The following ST3GAL1 variants were observed in gnomAD, a reference collection of about 807,000 sequenced individuals.
ST3GAL1 encodes ST3 beta-galactoside alpha-2,3-sialyltransferase 1, also known as CMP-N-acetylneuraminate-beta-galactosamide-alpha-2,3-sialyltransferase 1.
In ST3GAL1, 16 loss-of-function variants were observed where a neutral mutation model predicts 34.1. The ratio of observed to expected loss-of-function variants is 0.47; its 90% CI spans 0.32 to 0.71. The LOEUF (loss-of-function observed/expected upper bound fraction) is 0.71, where lower values mean the gene tolerates loss of function less well. Among genes scored for constraint, ST3GAL1 ranks in the 30% least tolerant of loss-of-function variants. The probability of loss-of-function intolerance (pLI) is 0.04; values close to 1 mark genes in which losing one functional copy is unlikely to be tolerated. For synonymous variants in ST3GAL1, 191 were observed against 184.7 expected, an observed-to-expected ratio of 1.03 and a Z score of -0.28; for missense variants, 353 against 447.4, an observed-to-expected ratio of 0.79 and a Z score of 1.90.
Position 133,548,533 on chromosome 8 carries a change from C to T in ST3GAL1, c.-581-2607G>A, listed in dbSNP as rs533851154. Among the ~76,000 whole-genome samples the T allele has an allele frequency of 9.6e-4, 146 of 152,354 alleles. 7 individuals are homozygous for T. The South Asian group carries it at 0.028, about 30-fold the overall frequency. ...ACCACTGTGCCCTCACCACCCAGCACACCACTTGGCATGTGGGAGAAGGCC... is the reference window on the plus strand; with the variant it reads ...ACCACTGTGCCCTCACCACCCAGCATACCACTTGGCATGTGGGAGAAGGCC... On this transcript the variant is annotated intron_variant, in intron 1 of 9. Transcript: ENST00000522652.
chr8:133,507,386 A>C (rs775150812), intron 2 of ST3GAL1, among the ~76,000 whole-genome samples: 2 of 152,270 alleles, frequency 1.3e-5, no homozygotes, highest in African/African-American at 2.4e-5. Context: ...ACCCACGCCC[A>C]TGGCGATGGT....
chr8:133,499,401 A>G (rs924591925), intron 2 of ST3GAL1: 1 of 152,168 alleles, frequency 6.6e-6, no homozygotes, highest in African/African-American at 2.4e-5. Context: ...CTACGTGCAG[A>G]AGCTTCCTGT....
chr8:133,521,244 C>T (rs932665841), intron 2 of ST3GAL1, among the ~76,000 whole-genome samples: 11 of 149,392 alleles, frequency 7.4e-5, no homozygotes, highest in Admixed American at 5.3e-4. Context: ...AGCAATTTTC[C>T]TGCCTCAGCC....
rs984769380 is a variant in ST3GAL1 at position 133,458,970 on chromosome 8, C to T, written c.*794G>A. ...GTGTGATCACAGCCCACTGCAGCCTCGAACTCCTAGGCACAAGAGATCCTC... is the reference window on the plus strand; with the variant it reads ...GTGTGATCACAGCCCACTGCAGCCTTGAACTCCTAGGCACAAGAGATCCTC... On this transcript the variant is annotated 3_prime_UTR_variant, in exon 10 of 10. Coordinates refer to ENST00000522652, the MANE Select transcript of ST3GAL1 (RefSeq NM_173344.3). 1.3e-5 allele frequency: 2 copies of T among 151,132 alleles called. No homozygotes were observed. The highest frequency in any genetic ancestry group is 2.4e-5 in the African/African-American group (1 of 41,014). 9.4% of individuals were successfully genotyped at this position (151,132 alleles called of 1,614,324 possible). A position where few individuals can be genotyped will look rare whatever the true frequency, so the allele number is the denominator to read the frequency against.
chr8:133,540,536 C>T (rs538085337), intron 2 of ST3GAL1, among the ~76,000 whole-genome samples: 4 of 152,086 alleles, frequency 2.6e-5, no homozygotes, highest in African/African-American at 9.6e-5. Context: ...CCCTGTGTAT[C>T]CTTTGATCAA....
chr8:133,479,263 A>G (rs935304613), intron 3 of ST3GAL1, among the ~76,000 whole-genome samples: 3 of 151,904 alleles, frequency 2.0e-5, no homozygotes, highest in Non-Finnish European at 1.5e-5. Context: ...AGGCATCAAT[A>G]GGGCCCCAGA....
At chr8:133,488,071 A>G (rs767070216) in intron 3 of ST3GAL1, 3 of 152,134 alleles carry the variant, frequency 2.0e-5, no homozygotes, top group Admixed American at 6.5e-5. Flanking sequence ...GAATCACACA[A>G]AAGACCAGCT....
At chr8:133,484,618 C>A (rs72718294) in intron 3 of ST3GAL1, among the ~76,000 whole-genome samples, 3 of 152,298 alleles carry the variant, frequency 2.0e-5, no homozygotes, top group African/African-American at 4.8e-5. Context: ...ACTCTCCCAG[C>A]GCAGTCCCTT....
chr8:133,469,623 G>A lies in ST3GAL1; in HGVS notation c.307-3533C>T, dbSNP rs1239807959. Among the ~76,000 whole-genome samples the A allele has an allele frequency of 6.6e-6, 1 of 152,222 alleles. No individual in the cohort carries two copies. Among genetic ancestry groups the A allele is most frequent in the Non-Finnish European group, 1.5e-5 (1 of 68,044 alleles). ...TAAAATGGTAGTTGTACAATGCAAT[G>A]AAAACAAAACTACTGTATTCGGTTG... On this transcript the variant is annotated intron_variant, in intron 5 of 9. Transcript: ENST00000522652. The surrounding 1 kb of genome is among the most constrained non-coding windows in gnomAD (Gnocchi z 4.3).
chr8:133,551,594 GAAAGAAAGAAAGAAA>G (rs1818859726), intron 1 of ST3GAL1, among the ~76,000 whole-genome samples: 3 of 150,334 alleles, frequency 2.0e-5, no homozygotes, highest in African/African-American at 7.4e-5. Flanking sequence ...AAGAAAGAAA[GAAAGAAAGAAAGAAA>G]GAAAGAAAGA....
rs7838670 is a variant in ST3GAL1, at chr8:133,508,720, C to T, written c.-428-9531G>A. On this transcript the variant is annotated intron_variant, in intron 2 of 9. Transcript: ENST00000522652. The surrounding 1 kb of genome is among the most constrained non-coding windows in gnomAD (Gnocchi z 4.1). ...AGCCATTGGTCATTTAGTAAAGACT[C>T]GTTGGGTCCCAAGAATGTGCCAGGC... 2.0e-5 allele frequency among the ~76,000 whole-genome samples: 3 copies of T among 151,954 alleles called. No individual in the cohort carries two copies. The highest frequency in any genetic ancestry group is 7.3e-5 in the African/African-American group (3 of 41,374).
At chr8:133,480,252 C>G (rs1490074945) in intron 3 of ST3GAL1, among the ~76,000 whole-genome samples, 1 of 152,230 alleles carries the variant, frequency 6.6e-6, no homozygotes, top group Non-Finnish European at 1.5e-5. Context: ...TGTCAGCACA[C>G]TTTTGGGGAC....
At chr8:133,460,495 C>T (rs921610327) in intron 9 of ST3GAL1, among the ~76,000 whole-genome samples, 2 of 152,228 alleles carry the variant, frequency 1.3e-5, no homozygotes, top group African/African-American at 4.8e-5. Context: ...TCATCTGGTC[C>T]AGGCGCCCTC....
At position 133,469,331 on chromosome 8, in the gene ST3GAL1, G is replaced by A. The variant is rs1484495533; in HGVS notation, c.307-3241C>T. 6.6e-6 allele frequency among the ~76,000 whole-genome samples: 1 copy of A among 152,102 alleles called. No homozygotes were observed. The highest frequency in any genetic ancestry group is 1.5e-5 in the Non-Finnish European group (1 of 68,018). On this transcript the variant is annotated intron_variant, in intron 5 of 9. Coordinates refer to ENST00000522652, the MANE Select transcript of ST3GAL1 (RefSeq NM_173344.3). This position sits in a 1 kb window ranked among gnomAD's most constrained non-coding sequence, Gnocchi z 4.3. ...CCTCCTGGGTTCAAGGGATTCTCCT[G>A]CCTTAGCCTCCCAAGCAGCTGGGAT...
intron 1 of ST3GAL1, among the ~76,000 whole-genome samples, chr8:133,548,935 CAG>C (rs1297481217): frequency 1.3e-5 from 2 of 152,242 alleles, no homozygotes; most frequent in African/African-American, 2.4e-5. Context: ...AGATCAATCT[CAG>C]AGAATCCATC....
chr8:133,568,023 T>C (rs1342936821), intron 1 of ST3GAL1, among the ~76,000 whole-genome samples: 3 of 151,666 alleles, frequency 2.0e-5, no homozygotes, highest in East Asian at 1.9e-4. Flanking sequence ...CGGGTCCAAG[T>C]GATTCTCCTG....
At position 133,508,916 on chromosome 8, in the gene ST3GAL1, G is replaced by C. The variant is rs113415685; in HGVS notation, c.-428-9727C>G. ...AGTATGAAACTCAAGCTGGCTGCCC[G>C]CTGTGCTTTGAGTAATGAAGTCCCT... On this transcript the variant is annotated intron_variant, in intron 2 of 9. Transcript: ENST00000522652. The surrounding 1 kb of genome is among the most constrained non-coding windows in gnomAD (Gnocchi z 4.1). Among the ~76,000 whole-genome samples the C allele has an allele frequency of 6.6e-6, 1 of 152,054 alleles. No homozygotes were observed. The highest frequency in any genetic ancestry group is 1.5e-5 in the Non-Finnish European group (1 of 68,012).
At chr8:133,551,601 A>G (rs970802674) in intron 1 of ST3GAL1, among the ~76,000 whole-genome samples, 2 of 148,480 alleles carry the variant, frequency 1.3e-5, no homozygotes, top group Admixed American at 1.3e-4. Context: ...AAAGAAAGAA[A>G]GAAAGAAAGA....
At chr8:133,509,679 G>C (rs1817447087) in intron 2 of ST3GAL1, among the ~76,000 whole-genome samples, 1 of 152,218 alleles carries the variant, frequency 6.6e-6, no homozygotes, top group Admixed American at 6.5e-5. Context: ...CTGAGTAAAA[G>C]GGATAATTTT....
Sources: gnomAD v4.1 joint callset for allele counts (sites outside exome capture counted in the v4.1 genomes callset) on GRCh38, gnomAD v4.1.1 for gene constraint, Gnocchi (gnomAD v3.1) non-coding constraint, MANE v1.5 for transcripts, NCBI Gene and HGNC (gene_info 2026-07-23, HGNC 2026-07-21) for gene names.